The following PTPRT variants were observed in gnomAD, a reference collection of about 807,000 sequenced individuals.
PTPRT encodes protein tyrosine phosphatase receptor type T.
A neutral mutation model predicts 176.8 loss-of-function variants in PTPRT; 56 were observed. The observed-to-expected ratio is 0.32, with a 90% confidence interval of 0.26 to 0.40. The LOEUF is 0.40. PTPRT is among the 10% of genes least tolerant of loss of function. The pLI is 1.00. For synonymous variants in PTPRT, 783 were observed against 739.0 expected, an observed-to-expected ratio of 1.06 and a Z score of -0.96; for missense variants, 1,540 against 1,908.2, an observed-to-expected ratio of 0.81 and a Z score of 3.60.
At chr20:42,051,381 G>A in the PTPRT span, among the ~76,000 whole-genome samples, 1 of 152,202 alleles carries the variant, frequency 6.6e-6, no homozygotes, top group Admixed American at 6.5e-5. Flanking sequence ...GGTGACCCCA[G>A]GAAGCTCTAC....
At chr20:42,041,422 A>G in the PTPRT span, among the ~76,000 whole-genome samples, 12,397 of 151,862 alleles carry the variant, frequency 0.082, 612 homozygotes, top group Middle Eastern at 0.27. Context: ...TTAAGTTGCA[A>G]TTTTCTCCAC....
intron 7 of PTPRT, among the ~76,000 whole-genome samples, chr20:42,668,682 G>A (rs893923245): frequency 1.4e-5 from 2 of 147,828 alleles, no homozygotes; most frequent in Admixed American, 6.8e-5. Flanking sequence ...GTGCTTGTCC[G>A]TCTGCGGATA....
At chr20:42,082,371 G>T (rs2146094579) in intron 29 of PTPRT, among the ~76,000 whole-genome samples, 1 of 152,346 alleles carries the variant, frequency 6.6e-6, no homozygotes, top group Non-Finnish European at 1.5e-5. Context: ...AGGGCAGGAT[G>T]GTACTGTGTC....
At chr20:43,135,060 C>T (rs559218899) in intron 1 of PTPRT, among the ~76,000 whole-genome samples, 5 of 152,244 alleles carry the variant, frequency 3.3e-5, no homozygotes, top group Admixed American at 2.0e-4. Flanking sequence ...TGCAAAACTG[C>T]CCCCAGTTGA....
chr20:43,150,406 C>G (rs1452538839), intron 1 of PTPRT, among the ~76,000 whole-genome samples: 2 of 152,202 alleles, frequency 1.3e-5, no homozygotes, highest in African/African-American at 4.8e-5. Flanking sequence ...GCCAACTTTG[C>G]TTTCCCAGCA....
chr20:42,090,786 C>T (rs892045483), intron 27 of PTPRT, among the ~76,000 whole-genome samples: 4 of 152,212 alleles, frequency 2.6e-5, no homozygotes, highest in Admixed American at 6.5e-5. Context: ...ATCACGAGGA[C>T]GTAGCTGACC....
chr20:42,124,022 G>A (rs532052527), intron 19 of PTPRT, among the ~76,000 whole-genome samples: 1 of 152,304 alleles, frequency 6.6e-6, no homozygotes, highest in African/African-American at 2.4e-5. Context: ...CATATTGACT[G>A]AATGTACGCA....
intron 14 of PTPRT, among the ~76,000 whole-genome samples, chr20:42,245,318 T>C (rs1033336053): frequency 1.3e-5 from 2 of 152,198 alleles, no homozygotes; most frequent in African/African-American, 2.4e-5. Flanking sequence ...TAATTCCATA[T>C]GGTTCCACAT....
chr20:43,127,149 C>T (rs6072988), intron 1 of PTPRT, among the ~76,000 whole-genome samples: 71,084 of 151,804 alleles, frequency 0.47, 18,526 homozygotes, highest in Non-Finnish European at 0.6. Context: ...GGCGGCCGGG[C>T]GCGGTGGCTC....
chr20:42,248,957 A>G (rs1045582248), intron 13 of PTPRT, 135 bp from the exon 14 acceptor site: 1 of 1,004,812 alleles, frequency 1.0e-6, no homozygotes, highest in South Asian at 1.9e-5. Flanking sequence ...CATCACATAC[A>G]TTGTCCCATT....
chr20:42,356,233 T>C (rs1223530684), intron 9 of PTPRT, among the ~76,000 whole-genome samples: 4 of 152,036 alleles, frequency 2.6e-5, no homozygotes, highest in African/African-American at 9.7e-5. Context: ...ATTTGTAGAA[T>C]AGCAAACATA....
At chr20:42,879,276 G>T (rs1050215691) in intron 2 of PTPRT, among the ~76,000 whole-genome samples, 1 of 152,148 alleles carries the variant, frequency 6.6e-6, no homozygotes, top group Non-Finnish European at 1.5e-5. Flanking sequence ...GGGCCACGTT[G>T]TCTCCAAAAG....
intron 1 of PTPRT, among the ~76,000 whole-genome samples, chr20:43,069,282 G>A (rs749505521): frequency 2.6e-5 from 4 of 152,140 alleles, no homozygotes; most frequent in African/African-American, 4.8e-5. Flanking sequence ...GGGACACTTC[G>A]TAGCCATGCC....
chr20:42,636,733 C>T (rs547807888), intron 7 of PTPRT, among the ~76,000 whole-genome samples: 13 of 151,510 alleles, frequency 8.6e-5, no homozygotes, highest in East Asian at 5.9e-4. Flanking sequence ...TGCAGTGAGC[C>T]GAGATCACAC....
intron 13 of PTPRT, among the ~76,000 whole-genome samples, chr20:42,252,876 A>G (rs528719888): frequency 3.2e-4 from 48 of 152,260 alleles, no homozygotes; most frequent in Non-Finnish European, 6.0e-4. Flanking sequence ...GACTTTACAC[A>G]GGAGGTTTTT....
intron 2 of PTPRT, among the ~76,000 whole-genome samples, chr20:42,868,942 G>A (rs1190810623): frequency 6.6e-6 from 1 of 152,150 alleles, no homozygotes; most frequent in African/African-American, 2.4e-5. Flanking sequence ...TGACTCAAGT[G>A]AGCCCAAGTG....
At chr20:42,337,770 T>C (rs1356170095) in intron 11 of PTPRT, among the ~76,000 whole-genome samples, 1 of 152,206 alleles carries the variant, frequency 6.6e-6, no homozygotes, top group Non-Finnish European at 1.5e-5. Flanking sequence ...ACTTTGAGAA[T>C]TACTGTCTTA....
intron 6 of PTPRT, among the ~76,000 whole-genome samples, chr20:42,746,116 C>G: frequency 6.6e-6 from 1 of 152,216 alleles, no homozygotes; most frequent in Non-Finnish European, 1.5e-5. Flanking sequence ...CATCAGCATG[C>G]AGCTGATAAA....
At chr20:42,667,102 A>G (rs556504439) in intron 7 of PTPRT, among the ~76,000 whole-genome samples, 1 of 152,328 alleles carries the variant, frequency 6.6e-6, no homozygotes, top group African/African-American at 2.4e-5. Context: ...AATATGAGGC[A>G]TTACATCCAT....
Sources: allele counts gnomAD v4.1 joint callset (sites outside exome capture counted in the v4.1 genomes callset), GRCh38; gene constraint gnomAD v4.1.1; transcripts MANE v1.5; gene names NCBI Gene and HGNC (gene_info 2026-07-23, HGNC 2026-07-21).